DNAH17: variants seen among roughly 807,000 people sequenced by gnomAD.
The protein encoded by DNAH17 is axonemal beta dynein heavy chain 17.
Under a neutral mutation model 485.6 loss-of-function variants are expected in DNAH17, and 376 were observed. The ratio of observed to expected loss-of-function variants is 0.77; its 90% CI spans 0.71 to 0.84. DNAH17 has a LOEUF of 0.84. Among genes scored for constraint, DNAH17 ranks in the 40% least tolerant of loss-of-function variants. DNAH17 has a pLI of 0.00. For synonymous variants in DNAH17, 3,031 were observed against 2,405.9 expected, an observed-to-expected ratio of 1.26 and a Z score of -7.60; for missense variants, 6,370 against 5,839.3, an observed-to-expected ratio of 1.09 and a Z score of -2.96.
In DNAH17 at chr17:78,484,334, C is replaced by T. The variant is rs188211973; in HGVS notation, c.7649+534G>A. Among the ~76,000 whole-genome samples the T allele has an allele frequency of 1.8e-3, 271 of 152,110 alleles. 1 individual carries two copies. Among genetic ancestry groups the T allele is most frequent in the Non-Finnish European group, 1.7e-3 (119 of 68,002 alleles). On this transcript the variant is annotated intron_variant, in intron 48 of 80. Transcript: ENST00000389840. ...TTCTTCACGTGTGGCAGGGCATTTA[C>T]ACGTGGCAATCTCTCCACCCAGAAT...
At chr17:78,576,368 G>C (rs900156744) in intron 1 of DNAH17, among the ~76,000 whole-genome samples, 1 of 152,162 alleles carries the variant, frequency 6.6e-6, no homozygotes, top group Non-Finnish European at 1.5e-5. Flanking sequence ...AAACATCTCT[G>C]AGAGAGGACT....
At chr17:78,523,574 T>A (rs147830611) in intron 25 of DNAH17, among the ~76,000 whole-genome samples, 1 of 152,120 alleles carries the variant, frequency 6.6e-6, no homozygotes. Context: ...ATAAAAGACA[T>A]GAATATGCAG....
At position 78,479,622 on chromosome 17, in the gene DNAH17, C is replaced by A; in HGVS notation, c.7763G>T (p.Cys2588Phe). ...GCCGGGGAAGCTCACAGCAAACACG[C>A]AGAAATGGCGCTACCCCAAAACAAC... is the stretch of plus-strand genomic sequence containing the variant. ...TIDSRLQRHFCVFAVSFPGQE... is the reference protein window; with the variant it reads ...TIDSRLQRHFFVFAVSFPGQE... The change falls in exon 50 of 81, where the codon TGC (cysteine) becomes TTC (phenylalanine). Residue 2588 changes from cysteine (C) to phenylalanine (F), a missense_variant. Transcript: ENST00000389840. The A allele has an allele frequency of 6.2e-7, 1 of 1,613,000 alleles. No individual in the cohort carries two copies. Among genetic ancestry groups the A allele is most frequent in the Admixed American group, 1.7e-5 (1 of 59,944 alleles).
intron 74 of DNAH17, among the ~76,000 whole-genome samples, chr17:78,436,890 A>C (rs2086866706): frequency 6.6e-6 from 1 of 151,960 alleles, no homozygotes; most frequent in Non-Finnish European, 1.5e-5. Context: ...ACACGTGGCC[A>C]GGAAGGCTGT....
At chr17:78,501,987 T>C (rs937652841) in intron 33 of DNAH17, 114 bp from the exon 34 acceptor site, 2 of 1,483,212 alleles carry the variant, frequency 1.3e-6, no homozygotes, top group African/African-American at 2.8e-5. Context: ...TTGTTTACAG[T>C]AATGAAAAAC....
chr17:78,492,596 G>A, intron 42 of DNAH17, 37 bp downstream of exon 42: 6 of 1,610,098 alleles, frequency 3.7e-6, no homozygotes, highest in Non-Finnish European at 5.1e-6. Flanking sequence ...TGGACCAGGA[G>A]TGCCCCTGCA....
At chr17:78,561,634 C>T (rs950749324) in intron 12 of DNAH17, 81 bp downstream of exon 12, 52 of 1,453,328 alleles carry the variant, frequency 3.6e-5, no homozygotes, top group South Asian at 1.0e-4. Flanking sequence ...GGGGTGGTCC[C>T]GCTCGGGGTT....
intron 16 of DNAH17, 28 bp from the exon 17 acceptor site, chr17:78,544,025 AGGTGTT>A: frequency 6.2e-7 from 1 of 1,613,572 alleles, no homozygotes; most frequent in Non-Finnish European, 8.5e-7. Flanking sequence ...GAGTGAGAAA[AGGTGTT>A]CTGGAGAAAC....
intron 14 of DNAH17, among the ~76,000 whole-genome samples, chr17:78,557,464 A>G (rs2092049772): frequency 6.6e-6 from 1 of 151,760 alleles, no homozygotes; most frequent in Non-Finnish European, 1.5e-5. Flanking sequence ...CTAAAAATAC[A>G]AAAATTATTT....
chr17:78,560,615 A>G, intron 13 of DNAH17, 125 bp downstream of exon 13: 1 of 1,059,760 alleles, frequency 9.4e-7, no homozygotes, highest in Non-Finnish European at 1.3e-6. Flanking sequence ...ACACTTAAGA[A>G]GTAAAGCTTT....
rs535740192 is a variant in DNAH17 at position 78,465,987 on chromosome 17, G to C, written c.8940+668C>G. ...GACAGTGGCGGCTTTGTGGAATGGA[G>C]AGGCGGGAGGGGTGGGGAAGGGATT... On this transcript the variant is annotated intron_variant, in intron 56 of 80. Transcript: ENST00000389840. Among the ~76,000 whole-genome samples the C allele has an allele frequency of 1.1e-4, 17 of 152,314 alleles. No individual in the cohort carries two copies. The South Asian group carries it at 3.3e-3, about 30-fold the overall frequency.
chr17:78,543,804 C>T (rs772550863), intron 17 of DNAH17, 53 bp downstream of exon 17: 2 of 1,612,892 alleles, frequency 1.2e-6, no homozygotes, highest in Non-Finnish European at 1.7e-6. Flanking sequence ...TTACTCTCTC[C>T]TCCCTGCTAA....
chr17:78,477,627 T>TCGTGATC, intron 51 of DNAH17, among the ~76,000 whole-genome samples: 2 of 152,292 alleles, frequency 1.3e-5, no homozygotes, highest in East Asian at 3.9e-4. Context: ...TCTGCCCGCC[T>TCGTGATC]TGGCCTCCCA....
intron 54 of DNAH17, chr17:78,472,879 G>A: frequency 2.6e-6 from 1 of 384,120 alleles, no homozygotes; most frequent in South Asian, 1.8e-5. Context: ...TATCCTTCCT[G>A]TGTCCTAGAA....
At position 78,449,434 on chromosome 17, in the gene DNAH17, G is replaced by A. The variant is rs906160727; in HGVS notation, c.11191C>T (p.Leu3731=). Residue 3731 remains leucine, a synonymous_variant, in exon 69 of 81, where the codon CTG becomes TTG. Transcript: ENST00000389840. ...ATTACCTGAAACGTAACTTGTGCCAGGAAAATGAGTTTGTCCCTCTCGAAG... is the reference window on the plus strand; with the variant it reads ...ATTACCTGAAACGTAACTTGTGCCAAGAAAATGAGTTTGTCCCTCTCGAAG... The part of the protein sequence containing the change: ...GLFERDKLIF[L]AQVTFQVLSM... The A allele has an allele frequency of 1.9e-5, 30 of 1,550,694 alleles. No individual in the cohort carries two copies. Among genetic ancestry groups the A allele is most frequent in the Non-Finnish European group, 2.4e-5 (27 of 1,146,494 alleles).
At chr17:78,455,518 G>A (rs1236781563) in intron 63 of DNAH17, 126 bp downstream of exon 63, 13 of 671,444 alleles carry the variant, frequency 1.9e-5, no homozygotes, top group Non-Finnish European at 2.6e-5. Flanking sequence ...ATAGAGATGG[G>A]GTTTCACCAT....
chr17:78,433,927 A>G (rs1458866939), intron 75 of DNAH17, 102 bp downstream of exon 75: 18 of 791,194 alleles, frequency 2.3e-5, no homozygotes, highest in African/African-American at 3.2e-5. Context: ...GAGGGAAGGA[A>G]GGAGGGAGGG....
In DNAH17 at chr17:78,461,559, G is replaced by T. The variant is rs142539549; in HGVS notation, c.9324C>A (p.Val3108=). The change falls in exon 58 of 81, where the codon GTC becomes GTA. Residue 3108 remains valine (V), a synonymous_variant. Coordinates refer to ENST00000389840, the MANE Select transcript of DNAH17 (RefSeq NM_173628.4). Reference sequence around the variant, plus strand: ...CTTCACCTACCTTATTGATGACCTCGACCTTGACTTCTTCCTGGTCAGCAA... The same window carrying T: ...CTTCACCTACCTTATTGATGACCTCTACCTTGACTTCTTCCTGGTCAGCAA... ...KAIADQEEVK[V]EVINKNVTEK... 6.3e-7 allele frequency: 1 copy of T among 1,596,280 alleles called. No individual in the cohort carries two copies. The highest frequency in any genetic ancestry group is 1.1e-5 in the South Asian group (1 of 87,936).
At position 78,426,660 on chromosome 17, in the gene DNAH17, C is replaced by T. The variant is rs111669575; in HGVS notation, c.12772-60G>A. 7.8e-4 allele frequency: 1,196 copies of T among 1,537,604 alleles called. 25 individuals carry two copies. The South Asian group carries it at 0.014, about 18-fold the overall frequency. On this transcript the variant is annotated intron_variant, in intron 78 of 80. Coordinates refer to ENST00000389840, the MANE Select transcript of DNAH17 (RefSeq NM_173628.4). ...AGCTGGGGCCTGGGAGAGCACCAGC[C>T]CCAGTGCGTGTCATGAGTTGTCAAC...
Sources: allele counts gnomAD v4.1 joint callset (sites outside exome capture counted in the v4.1 genomes callset), GRCh38; gene constraint gnomAD v4.1.1; transcripts MANE v1.5; gene names NCBI Gene and HGNC (gene_info 2026-07-23, HGNC 2026-07-21).